Variants in SYAP1 observed in about 807,000 individuals in gnomAD.
The protein encoded by SYAP1 is synapse-associated protein 1.
SYAP1 carries 3 observed loss-of-function variants against 29.6 expected under a neutral mutation model. The observed-to-expected ratio is 0.10, with a 90% confidence interval of 0.05 to 0.26. The LOEUF (loss-of-function observed/expected upper bound fraction) is 0.26, where lower values mean the gene tolerates loss of function less well. Ranked by LOEUF, SYAP1 falls within the 10% of genes least tolerant of loss-of-function variation. SYAP1 has a pLI of 1.00. For synonymous variants in SYAP1, 102 were observed against 102.7 expected, an observed-to-expected ratio of 0.99 and a Z score of 0.04; for missense variants, 217 against 264.1, an observed-to-expected ratio of 0.82 and a Z score of 1.24.
At chrX:16,745,920 CAT>C (rs763083985) in intron 5 of SYAP1, among the ~76,000 whole-genome samples, 16 of 110,579 alleles carry the variant, frequency 1.4e-4, no homozygotes, top group Admixed American at 3.9e-4. Flanking sequence ...CAGATGAACA[CAT>C]GTTTGTTTTG....
chrX:16,745,737 C>CAA (rs1473355443), intron 5 of SYAP1, among the ~76,000 whole-genome samples: 1 of 62,348 alleles, frequency 1.6e-5, no homozygotes. Context: ...ACTCTGTCTC[C>CAA]AAAAAAAAAA....
At position 16,765,043 on chromosome X, in the gene SYAP1, T is replaced by G. The variant is rs991261877; in HGVS notation, c.*4684T>G. The G allele has an allele frequency of 8.9e-6, 1 of 112,037 alleles. No individual in the cohort carries two copies. Among genetic ancestry groups the G allele is most frequent in the Non-Finnish European group, 1.9e-5 (1 of 53,249 alleles). The allele number at this position is 112,037 out of a possible 1,213,427, so 9.2% of individuals were successfully genotyped here. ...ATATGGTTTATAATCAGTTTTATTG[T>G]GGGGAAGATGGGCCATTTTAATGAA... On this transcript the variant is annotated 3_prime_UTR_variant, in exon 9 of 9. Transcript: ENST00000380155.
rs1214011085 is a variant in SYAP1 at position 16,719,789 on chromosome X, A to G, written c.65A>G (p.Asn22Ser). ...QQPVAGGGQP[N>S]GDAPPEQPSE... ...CCGGTGGCAGGCGGTGGGCAGCCCAATGGAGATGCTCCACCCGAGCAGCCG... is the reference window on the plus strand; with the variant it reads ...CCGGTGGCAGGCGGTGGGCAGCCCAGTGGAGATGCTCCACCCGAGCAGCCG... The change falls in exon 1 of 9, where the codon AAT (asparagine) becomes AGT (serine). Residue 22 changes from asparagine (N) to serine (S), a missense_variant. Coordinates refer to ENST00000380155, the MANE Select transcript of SYAP1 (RefSeq NM_032796.4). 4.0e-5 allele frequency: 48 copies of G among 1,201,266 alleles called. No homozygotes were observed. Among genetic ancestry groups the G allele is most frequent in the Non-Finnish European group, 5.0e-5 (45 of 891,248 alleles).
chrX:16,749,089 T>G (rs1926671803), intron 5 of SYAP1, among the ~76,000 whole-genome samples: 1 of 109,654 alleles, frequency 9.1e-6, no homozygotes, highest in South Asian at 3.9e-4. Context: ...AAGGTATCTC[T>G]CTGTTGCCCA....
chrX:16,756,368 G>A (rs958704746), intron 6 of SYAP1, among the ~76,000 whole-genome samples: 2 of 111,564 alleles, frequency 1.8e-5, no homozygotes, highest in African/African-American at 6.5e-5. Context: ...TGAGGCAGGA[G>A]GATCACTTGA....
Position 16,754,870 on chromosome X carries a change from G to A in SYAP1, c.576-75G>A. ...CTTGTCTGTGTGCGTTCTCAAATGT[G>A]TTCTTGTCTGTCTGCTTTTTATTGA... On this transcript the variant is annotated intron_variant, in intron 5 of 8. Coordinates refer to ENST00000380155, the MANE Select transcript of SYAP1 (RefSeq NM_032796.4). The A allele has an allele frequency of 9.5e-6, 10 of 1,054,559 alleles. No individual in the cohort carries two copies. In the South Asian group the frequency reaches 1.5e-4, roughly 16 times the overall value. The allele number at this position is 1,054,559 out of a possible 1,213,427, so 86.9% of individuals were successfully genotyped here. A position where few individuals can be genotyped will look rare whatever the true frequency, so the allele number is the denominator to read the frequency against.
At chrX:16,747,242 G>A (rs1926629603) in intron 5 of SYAP1, among the ~76,000 whole-genome samples, 1 of 111,814 alleles carries the variant, frequency 8.9e-6, no homozygotes, top group African/African-American at 3.2e-5. Context: ...AGCCACCCAC[G>A]CTCCTGGTAG....
At chrX:16,755,475 A>C (rs1489062915) in intron 6 of SYAP1, among the ~76,000 whole-genome samples, 1 of 105,860 alleles carries the variant, frequency 9.4e-6, no homozygotes, top group East Asian at 3.0e-4. Flanking sequence ...TTTTCGTTTT[A>C]TTTCTCTCTC....
intron 8 of SYAP1, among the ~76,000 whole-genome samples, chrX:16,758,594 C>T (rs1225615307): frequency 5.4e-5 from 6 of 110,551 alleles, no homozygotes; most frequent in African/African-American, 9.9e-5. Flanking sequence ...CCTCGGCCTC[C>T]CAAAGTGCTG....
Position 16,719,984 on chromosome X carries a change from G to A in SYAP1, c.175+85G>A, listed in dbSNP as rs1925924124. The A allele has an allele frequency of 3.1e-6, 3 of 955,900 alleles. No homozygotes were observed. In the South Asian group the frequency reaches 6.7e-5, roughly 21 times the overall value. 78.8% of individuals were successfully genotyped at this position (955,900 alleles called of 1,213,427 possible). A position where few individuals can be genotyped will look rare whatever the true frequency, so the allele number is the denominator to read the frequency against. On this transcript the variant is annotated intron_variant, in intron 1 of 8. Coordinates refer to ENST00000380155, the MANE Select transcript of SYAP1 (RefSeq NM_032796.4). ...CCCTGGGGCGCGGGCCCGACTGGCT[G>A]GGGGATGAGGGGGCCGAGGTGGGAG...
At chrX:16,733,505 C>A (rs1401282987) in intron 1 of SYAP1, among the ~76,000 whole-genome samples, 1 of 111,062 alleles carries the variant, frequency 9.0e-6, no homozygotes, top group African/African-American at 3.3e-5. Flanking sequence ...GTAAGAGAGG[C>A]AAGACCGCCC....
chrX:16,754,922 T>C (rs1926809552), intron 5 of SYAP1, 23 bp from the exon 6 acceptor site: 1 of 1,206,070 alleles, frequency 8.3e-7, no homozygotes, highest in African/African-American at 1.8e-5. Flanking sequence ...TTTCCACTGT[T>C]CTAATTTGCC....
chrX:16,725,127 T>A (rs1281025374), intron 1 of SYAP1, among the ~76,000 whole-genome samples: 1 of 112,299 alleles, frequency 8.9e-6, no homozygotes, highest in African/African-American at 3.2e-5. Context: ...GAATAAAACA[T>A]GGCATAATTA....
chrX:16,737,455 G>C (rs1337940485), intron 3 of SYAP1, among the ~76,000 whole-genome samples: 1 of 111,991 alleles, frequency 8.9e-6, no homozygotes, highest in Non-Finnish European at 1.9e-5. Flanking sequence ...ATTTCCATCA[G>C]GCATTCTTGC....
At chrX:16,721,015 AAAAACAAAAC>A (rs1167147885) in intron 1 of SYAP1, among the ~76,000 whole-genome samples, 3 of 109,944 alleles carry the variant, frequency 2.7e-5, no homozygotes, top group Admixed American at 2.0e-4. Flanking sequence ...TCCATCTCAA[AAAAACAAAAC>A]AAAACAAAAC....
At chrX:16,736,356 G>A in intron 3 of SYAP1, 124 bp downstream of exon 3, 1 of 455,397 alleles carries the variant, frequency 2.2e-6, no homozygotes, top group Non-Finnish European at 3.9e-6. Context: ...CCTTTGGGTA[G>A]CACAAAGACT....
chrX:16,736,924 G>A (rs982893114), intron 3 of SYAP1, among the ~76,000 whole-genome samples: 3 of 111,603 alleles, frequency 2.7e-5, no homozygotes, highest in South Asian at 3.8e-4. Flanking sequence ...AAGAGCTTCC[G>A]AGGGAGGCGA....
chrX:16,733,919 A>G (rs1926265895), intron 1 of SYAP1, among the ~76,000 whole-genome samples: 1 of 110,096 alleles, frequency 9.1e-6, no homozygotes, highest in Non-Finnish European at 1.9e-5. Context: ...CGGCCTCCCA[A>G]AGTGCTGGGA....
At chrX:16,759,061 G>A in intron 8 of SYAP1, among the ~76,000 whole-genome samples, 1 of 107,626 alleles carries the variant, frequency 9.3e-6, no homozygotes, top group African/African-American at 3.4e-5. Context: ...GCGTGGTGGT[G>A]GGTGCCTGTA....
Sources: allele counts gnomAD v4.1 joint callset (sites outside exome capture counted in the v4.1 genomes callset), GRCh38; gene constraint gnomAD v4.1.1; transcripts MANE v1.5; gene names NCBI Gene and HGNC (gene_info 2026-07-23, HGNC 2026-07-21).